The following ANTXR1 variants were observed in gnomAD, a reference collection of about 807,000 sequenced individuals.
ANTXR1 encodes the protein anthrax toxin receptor 1.
In ANTXR1, 19 loss-of-function variants were observed where a neutral mutation model predicts 78.1. The observed-to-expected ratio is 0.24, with a 90% CI of 0.17 to 0.36. The LOEUF is 0.36. ANTXR1 is among the 10% of genes least tolerant of loss of function. The probability of loss-of-function intolerance (pLI) is 1.00; values close to 1 mark genes in which losing one functional copy is unlikely to be tolerated. For synonymous variants in ANTXR1, 273 were observed against 260.5 expected (o/e 1.05, Z -0.46); for missense variants, 518 against 718.6 (o/e 0.72, Z 3.19).
At chr2:69,017,817 CTT>C (rs1671065908) in intron 1 of ANTXR1, among the ~76,000 whole-genome samples, 1 of 152,182 alleles carries the variant, frequency 6.6e-6, no homozygotes, top group Non-Finnish European at 1.5e-5. Flanking sequence ...CAGCTAGCCT[CTT>C]TTAAGTCTTC....
chr2:69,158,356 A>G (rs1481557628), intron 13 of ANTXR1, among the ~76,000 whole-genome samples: 3 of 152,194 alleles, frequency 2.0e-5, no homozygotes, highest in Admixed American at 2.0e-4. Context: ...TTCTTCCTTC[A>G]AAGTCCAGCT....
chr2:69,145,668 G>A, intron 12 of ANTXR1: 1 of 1,171,290 alleles, frequency 8.5e-7, no homozygotes, highest in Middle Eastern at 3.5e-4. Flanking sequence ...CAACTTTGAG[G>A]TGGAGGATTT....
intron 10 of ANTXR1, among the ~76,000 whole-genome samples, chr2:69,110,583 G>A (rs1220948245): frequency 6.6e-6 from 1 of 152,194 alleles, no homozygotes; most frequent in Non-Finnish European, 1.5e-5. Flanking sequence ...AACAGGCCGG[G>A]CGCGGTGGCT....
chr2:69,038,557 C>T (rs895963493), intron 1 of ANTXR1, among the ~76,000 whole-genome samples: 49 of 152,294 alleles, frequency 3.2e-4, no homozygotes, highest in African/African-American at 1.2e-3. Context: ...GTGTTCTCCA[C>T]ATAAAATGAG....
At chr2:69,137,402 C>A (rs1672942242) in intron 12 of ANTXR1, among the ~76,000 whole-genome samples, 1 of 152,094 alleles carries the variant, frequency 6.6e-6, no homozygotes, top group Admixed American at 6.5e-5. Context: ...GCCTAAGAAC[C>A]CAAGCTTTAG....
At chr2:69,035,845 G>A (rs1365987413) in intron 1 of ANTXR1, among the ~76,000 whole-genome samples, 3 of 152,144 alleles carry the variant, frequency 2.0e-5, no homozygotes, top group Non-Finnish European at 4.4e-5. Context: ...AGTTTTGATG[G>A]ATGTAGACTT....
At chr2:69,141,939 CGTCA>C (rs1220227867) in intron 12 of ANTXR1, among the ~76,000 whole-genome samples, 2 of 152,182 alleles carry the variant, frequency 1.3e-5, no homozygotes, top group Non-Finnish European at 2.9e-5. Flanking sequence ...TCCCCCATGT[CGTCA>C]GTCTTAAAAA....
chr2:69,172,767 T>C (rs1674029649), intron 14 of ANTXR1, among the ~76,000 whole-genome samples: 1 of 152,226 alleles, frequency 6.6e-6, no homozygotes, highest in African/African-American at 2.4e-5. Flanking sequence ...GCTGAGATTC[T>C]ATGTAACCAA....
rs553556561 is a variant in ANTXR1, at chr2:69,057,129, T to C, written c.296+12316T>C. Reference sequence around the variant, plus strand: ...TACTGCATACTTTTCTATTTTGTCATATTTTATTGTAATAACATACCACCT... The same window carrying C: ...TACTGCATACTTTTCTATTTTGTCACATTTTATTGTAATAACATACCACCT... On this transcript the variant is annotated intron_variant, in intron 3 of 17. Transcript: ENST00000303714. Among the ~76,000 whole-genome samples the C allele has an allele frequency of 7.0e-4, 106 of 152,346 alleles. 1 individual carries two copies. The South Asian group carries it at 0.022, about 31-fold the overall frequency.
intron 17 of ANTXR1, among the ~76,000 whole-genome samples, chr2:69,211,979 A>C (rs1410253754): frequency 1.3e-5 from 2 of 152,158 alleles, no homozygotes; most frequent in Non-Finnish European, 2.9e-5. Context: ...TTGTAAGTCA[A>C]CCCAAGTCCT....
chr2:69,073,172 C>A, intron 6 of ANTXR1, 71 bp downstream of exon 6: 5 of 1,366,710 alleles, frequency 3.7e-6, no homozygotes, highest in Non-Finnish European at 5.2e-6. Flanking sequence ...ATGGGCCACA[C>A]TCTCTCTATT....
At chr2:69,093,788 A>T (rs1197057536) in intron 9 of ANTXR1, among the ~76,000 whole-genome samples, 1 of 152,234 alleles carries the variant, frequency 6.6e-6, no homozygotes, top group Non-Finnish European at 1.5e-5. Flanking sequence ...TCTCTGGCTT[A>T]TGTGCAATAT....
At chr2:69,027,800 A>T (rs1275523340) in intron 1 of ANTXR1, among the ~76,000 whole-genome samples, 1 of 149,352 alleles carries the variant, frequency 6.7e-6, no homozygotes, top group Non-Finnish European at 1.5e-5. Context: ...ATTCATGGAA[A>T]GCATTTTCAG....
chr2:69,022,696 C>A (rs1206945119), intron 1 of ANTXR1, among the ~76,000 whole-genome samples: 7 of 152,214 alleles, frequency 4.6e-5, no homozygotes, highest in Admixed American at 1.3e-4. Context: ...GATTCAGGTC[C>A]CTCCCTCAGT....
At chr2:69,150,679 A>G (rs62134413) in intron 12 of ANTXR1, among the ~76,000 whole-genome samples, 48,543 of 147,430 alleles carry the variant, frequency 0.33, 8,454 homozygotes, top group South Asian at 0.53. Context: ...TAAATCCATT[A>G]TACCAGGAGT....
chr2:69,119,570 T>C (rs1672277390), intron 10 of ANTXR1, among the ~76,000 whole-genome samples: 1 of 152,266 alleles, frequency 6.6e-6, no homozygotes, highest in Non-Finnish European at 1.5e-5. Flanking sequence ...AGTTCATTTC[T>C]AGTCTTGGCT....
At chr2:69,145,872 T>C (rs1673212138) in intron 12 of ANTXR1, 3 of 986,076 alleles carry the variant, frequency 3.0e-6, no homozygotes, top group Non-Finnish European at 3.6e-6. Context: ...ATGCCATGCA[T>C]TAAAAATCCA....
At chr2:69,097,040 T>C (rs935694643) in intron 9 of ANTXR1, among the ~76,000 whole-genome samples, 1 of 152,258 alleles carries the variant, frequency 6.6e-6, no homozygotes, top group Non-Finnish European at 1.5e-5. Flanking sequence ...TATAGACTCT[T>C]TTTTAAAGTT....
intron 17 of ANTXR1, among the ~76,000 whole-genome samples, chr2:69,205,204 G>A (rs778067449): frequency 3.9e-5 from 6 of 152,144 alleles, no homozygotes; most frequent in Non-Finnish European, 7.3e-5. Context: ...CTTCCAAAGA[G>A]AAGAGACCAT....
Sources: allele counts gnomAD v4.1 joint callset (sites outside exome capture counted in the v4.1 genomes callset), GRCh38; gene constraint gnomAD v4.1.1; transcripts MANE v1.5; gene names NCBI Gene and HGNC (gene_info 2026-07-23, HGNC 2026-07-21).